The following UQCC1 variants were observed in gnomAD, a reference collection of about 807,000 sequenced individuals.
The protein encoded by UQCC1 is bFGF-repressed Zic-binding protein.
In UQCC1, 38 loss-of-function variants were observed where a neutral mutation model predicts 48.0. The ratio of observed to expected loss-of-function variants is 0.79; its 90% CI spans 0.61 to 1.04. The LOEUF (loss-of-function observed/expected upper bound fraction) is 1.04, where lower values mean the gene tolerates loss of function less well. UQCC1 is among the 50% of genes least tolerant of loss of function. The probability of loss-of-function intolerance (pLI) is 0.00; values close to 1 mark genes in which losing one functional copy is unlikely to be tolerated. For synonymous variants in UQCC1, 111 were observed against 129.2 expected, an observed-to-expected ratio of 0.86 and a Z score of 0.95; for missense variants, 368 against 381.8, an observed-to-expected ratio of 0.96 and a Z score of 0.30.
intron 1 of UQCC1, among the ~76,000 whole-genome samples, chr20:35,400,305 T>G (rs1408524152): frequency 2.0e-5 from 3 of 152,090 alleles, no homozygotes; most frequent in Non-Finnish European, 4.4e-5. Flanking sequence ...ATCTCTCTCT[T>G]AAGGTACTAA....
At chr20:35,394,241 C>A (rs751188554) in intron 1 of UQCC1, 45 bp from the exon 2 acceptor site, 1 of 1,523,734 alleles carries the variant, frequency 6.6e-7, no homozygotes, top group Non-Finnish European at 9.1e-7. Context: ...AAATCATACT[C>A]CCTACATGGA....
At chr20:35,337,321 T>C (rs1249962656) in intron 7 of UQCC1, among the ~76,000 whole-genome samples, 1 of 152,162 alleles carries the variant, frequency 6.6e-6, no homozygotes, top group South Asian at 2.1e-4. Context: ...CCCAAGTAGC[T>C]GGGACTACAG....
chr20:35,310,488 CA>C (rs564163552), intron 8 of UQCC1, among the ~76,000 whole-genome samples: 4 of 150,670 alleles, frequency 2.7e-5, no homozygotes, highest in African/African-American at 7.3e-5. Context: ...ACGAAAAATA[CA>C]AAAAAAATTA....
intron 1 of UQCC1, among the ~76,000 whole-genome samples, chr20:35,399,849 C>G (rs981534080): frequency 1.7e-5 from 2 of 116,636 alleles, no homozygotes; most frequent in Admixed American, 9.4e-5. Context: ...CAGAGCAAGA[C>G]TCCACTCAAA....
At chr20:35,307,191 G>T (rs757023575) in intron 8 of UQCC1, 4 of 286,760 alleles carry the variant, frequency 1.4e-5, no homozygotes, top group Middle Eastern at 1.2e-3. Context: ...TATTGTGAAT[G>T]TATGTTTCTC....
chr20:35,309,509 G>A (rs1490888123), intron 8 of UQCC1, among the ~76,000 whole-genome samples: 3 of 152,072 alleles, frequency 2.0e-5, no homozygotes, highest in Non-Finnish European at 2.9e-5. Context: ...GCTAGTGTAA[G>A]GCAGTGAAAA....
intron 5 of UQCC1, among the ~76,000 whole-genome samples, chr20:35,369,243 A>G (rs1029883136): frequency 2.0e-5 from 3 of 152,234 alleles, no homozygotes; most frequent in African/African-American, 4.8e-5. Context: ...AAGTGCTGGC[A>G]TATGATTGAG....
intron 1 of UQCC1, among the ~76,000 whole-genome samples, chr20:35,400,873 A>G (rs998989917): frequency 1.3e-5 from 2 of 152,196 alleles, no homozygotes; most frequent in African/African-American, 4.8e-5. Flanking sequence ...TTACATCAGT[A>G]TTTCAAAACA....
chr20:35,390,133 C>G (rs2146505059), intron 2 of UQCC1, among the ~76,000 whole-genome samples: 1 of 152,172 alleles, frequency 6.6e-6, no homozygotes, highest in South Asian at 2.1e-4. Flanking sequence ...TAGTCAAAAT[C>G]ACAGAAACAA....
chr20:35,326,019 GA>G (rs1358166355), intron 7 of UQCC1, among the ~76,000 whole-genome samples: 1 of 152,184 alleles, frequency 6.6e-6, no homozygotes, highest in Non-Finnish European at 1.5e-5. Flanking sequence ...TAAGCACAGG[GA>G]AATTGCATGG....
At chr20:35,318,762 A>G (rs184606823) in intron 7 of UQCC1, among the ~76,000 whole-genome samples, 110 of 152,356 alleles carry the variant, frequency 7.2e-4, no homozygotes, top group African/African-American at 2.5e-3. Context: ...GGCAAGTGAC[A>G]GCACCTTCCT....
At chr20:35,313,110 C>T (rs1005341180) in intron 8 of UQCC1, among the ~76,000 whole-genome samples, 5 of 152,062 alleles carry the variant, frequency 3.3e-5, no homozygotes, top group Non-Finnish European at 7.4e-5. Context: ...GGCGTGGTGG[C>T]TCACGCCTGT....
intron 7 of UQCC1, among the ~76,000 whole-genome samples, chr20:35,330,014 T>C (rs900349241): frequency 6.6e-5 from 10 of 152,166 alleles, no homozygotes; most frequent in East Asian, 1.9e-4. Flanking sequence ...TCTAAGAAGA[T>C]AGGGTTAGGA....
intron 1 of UQCC1, among the ~76,000 whole-genome samples, chr20:35,403,292 G>T (rs1002798365): frequency 1.3e-5 from 2 of 152,070 alleles, no homozygotes; most frequent in Non-Finnish European, 1.5e-5. Context: ...AGAATAACTG[G>T]TGTGGGCTTT....
At chr20:35,398,766 G>T (rs1278685349) in intron 1 of UQCC1, among the ~76,000 whole-genome samples, 2 of 142,072 alleles carry the variant, frequency 1.4e-5, no homozygotes, top group African/African-American at 5.2e-5. Flanking sequence ...GGGGGGGGGG[G>T]GGGCGGTGCA....
intron 9 of UQCC1, among the ~76,000 whole-genome samples, 160 bp from the exon 10 acceptor site, chr20:35,304,229 G>A (rs1306697620): frequency 6.6e-6 from 1 of 152,192 alleles, no homozygotes; most frequent in East Asian, 1.9e-4. Flanking sequence ...CCCAGGCCAA[G>A]CCGTCTCTGA....
chr20:35,310,577 T>C (rs1600851437), intron 8 of UQCC1, among the ~76,000 whole-genome samples: 1 of 112,548 alleles, frequency 8.9e-6, no homozygotes, highest in Non-Finnish European at 1.7e-5. Flanking sequence ...ACCCGGGAGG[T>C]GGAGGTTGCA....
At chr20:35,404,803 G>A (rs2062227398) in intron 1 of UQCC1, among the ~76,000 whole-genome samples, 1 of 152,084 alleles carries the variant, frequency 6.6e-6, no homozygotes, top group Non-Finnish European at 1.5e-5. Flanking sequence ...TTCCCCAGGA[G>A]CACCGGTTGA....
chr20:35,355,884 CTTTTTTT>C (rs35947113), intron 6 of UQCC1, among the ~76,000 whole-genome samples: 2 of 140,306 alleles, frequency 1.4e-5, no homozygotes, highest in African/African-American at 5.3e-5. Context: ...CACATACTAT[CTTTTTTT>C]TTTTTTTTTT....
Sources: allele counts gnomAD v4.1 joint callset (sites outside exome capture counted in the v4.1 genomes callset), GRCh38; gene constraint gnomAD v4.1.1; transcripts MANE v1.5; gene names NCBI Gene and HGNC (gene_info 2026-07-23, HGNC 2026-07-21).